Variants in DISC1 observed in about 807,000 individuals in gnomAD.
The protein encoded by DISC1 is disrupted in schizophrenia 1 protein.
In DISC1, 57 loss-of-function variants were observed where a neutral mutation model predicts 84.5. That is an observed-to-expected ratio of 0.67 (90% CI 0.55 to 0.84). The LOEUF is 0.84. DISC1 is among the 40% of genes least tolerant of loss of function. The pLI is 0.00. For synonymous variants in DISC1, 411 were observed against 415.2 expected, an observed-to-expected ratio of 0.99 and a Z score of 0.12; for missense variants, 1,000 against 1,057.8, an observed-to-expected ratio of 0.95 and a Z score of 0.76.
intron 9 of DISC1, among the ~76,000 whole-genome samples, chr1:231,920,713 A>T (rs2089943223): frequency 6.6e-6 from 1 of 152,174 alleles, no homozygotes; most frequent in South Asian, 2.1e-4. Flanking sequence ...ATTGTGAACG[A>T]TGCTGCTATG....
intron 11 of DISC1, among the ~76,000 whole-genome samples, chr1:232,013,980 C>T (rs529815429): frequency 8.2e-5 from 12 of 147,138 alleles, no homozygotes; most frequent in African/African-American, 2.8e-4. Context: ...CTTCTGAGGC[C>T]TTCCAATCTC....
intron 10 of DISC1, among the ~76,000 whole-genome samples, chr1:231,985,060 C>T (rs1664207908): frequency 6.6e-6 from 1 of 152,120 alleles, no homozygotes; most frequent in South Asian, 2.1e-4. Flanking sequence ...GTGGCTCACG[C>T]TTGTAATCCC....
At chr1:231,980,027 C>T (rs1485708687) in intron 10 of DISC1, among the ~76,000 whole-genome samples, 1 of 152,138 alleles carries the variant, frequency 6.6e-6, no homozygotes, top group Non-Finnish European at 1.5e-5. Flanking sequence ...GTAACACTAA[C>T]CTTATGGTTC....
At chr1:231,943,311 A>G (rs979676841) in intron 9 of DISC1, among the ~76,000 whole-genome samples, 1 of 152,282 alleles carries the variant, frequency 6.6e-6, no homozygotes, top group Admixed American at 6.5e-5. Context: ...ATGCACCAGC[A>G]TTGGTGAGGA....
At chr1:231,627,073 G>T (rs138310755) in intron 1 of DISC1, 139 bp downstream of exon 1, 11,068 of 577,962 alleles carry the variant, frequency 0.019, 134 homozygotes, top group Middle Eastern at 0.049. Context: ...AACTGAGGCA[G>T]GACGCGAGGC....
chr1:231,765,027 TA>T (rs1283070545), intron 4 of DISC1, among the ~76,000 whole-genome samples: 1 of 151,896 alleles, frequency 6.6e-6, no homozygotes, highest in Non-Finnish European at 1.5e-5. Context: ...CCGTCTCTAC[TA>T]AAAGTACAAA....
chr1:231,781,206 A>T (rs1345706879), intron 6 of DISC1, among the ~76,000 whole-genome samples: 1 of 132,868 alleles, frequency 7.5e-6, no homozygotes, highest in Non-Finnish European at 1.7e-5. Flanking sequence ...AAAAAAAAAG[A>T]CTTTATTTTG....
chr1:231,906,480 G>A (rs2088650950), intron 9 of DISC1, among the ~76,000 whole-genome samples: 1 of 152,176 alleles, frequency 6.6e-6, no homozygotes, highest in Admixed American at 6.5e-5. Flanking sequence ...CTTTATGCAC[G>A]AGGGATATGG....
At chr1:231,917,998 A>G (rs1443565428) in intron 9 of DISC1, among the ~76,000 whole-genome samples, 2 of 152,266 alleles carry the variant, frequency 1.3e-5, no homozygotes, top group Non-Finnish European at 2.9e-5. Context: ...TTACACTACA[A>G]ACACTAAAAC....
At chr1:232,015,973 G>A (rs1285930021) in intron 11 of DISC1, among the ~76,000 whole-genome samples, 1 of 152,170 alleles carries the variant, frequency 6.6e-6, no homozygotes, top group Non-Finnish European at 1.5e-5. Context: ...GAAAAGAAGA[G>A]TGGTCCTTTG....
At position 231,859,771 on chromosome 1, in the gene DISC1, C is replaced by T. The variant is rs146049449; in HGVS notation, c.1981+41254C>T. ...TTTCTTCTTAAGAAAACAAGAAGCA[C>T]GGGTAGATGATGGAGAGCATGAGTG... On this transcript the variant is annotated intron_variant, in intron 9 of 12. Coordinates refer to ENST00000439617, the MANE Select transcript of DISC1 (RefSeq NM_018662.3). Among the ~76,000 whole-genome samples the T allele has an allele frequency of 4.4e-3, 671 of 152,192 alleles. 6 individuals are homozygous for T. Among genetic ancestry groups the T allele is most frequent in the African/African-American group, 0.015 (609 of 41,512 alleles).
chr1:232,016,162 A>G (rs821647), intron 11 of DISC1, among the ~76,000 whole-genome samples: 41,300 of 152,026 alleles, frequency 0.27, 6,094 homozygotes, highest in Middle Eastern at 0.33. Flanking sequence ...AACAGTAACT[A>G]TGGTAGTCTT....
intron 9 of DISC1, among the ~76,000 whole-genome samples, chr1:231,838,817 C>A (rs541976619): frequency 6.6e-6 from 1 of 152,166 alleles, no homozygotes; most frequent in Non-Finnish European, 1.5e-5. Context: ...CCCTTGTCAC[C>A]GCCTGGCCTC....
intron 9 of DISC1, among the ~76,000 whole-genome samples, chr1:231,941,621 C>T (rs532707010): frequency 2.0e-5 from 3 of 151,902 alleles, no homozygotes; most frequent in South Asian, 2.1e-4. Flanking sequence ...TACAGGTGCA[C>T]GCCACCATGC....
intron 9 of DISC1, among the ~76,000 whole-genome samples, chr1:231,829,226 T>G (rs1288093450): frequency 6.6e-6 from 1 of 152,242 alleles, no homozygotes; most frequent in Non-Finnish European, 1.5e-5. Flanking sequence ...TATAGCAATT[T>G]AATTGATACT....
At chr1:231,956,544 T>G (rs1292384979) in intron 9 of DISC1, among the ~76,000 whole-genome samples, 1 of 152,174 alleles carries the variant, frequency 6.6e-6, no homozygotes, top group African/African-American at 2.4e-5. Context: ...TCAATCTCAT[T>G]TTTTTCTTCT....
At chr1:231,634,615 G>A (rs927092493) in intron 1 of DISC1, among the ~76,000 whole-genome samples, 2 of 152,118 alleles carry the variant, frequency 1.3e-5, no homozygotes, top group Admixed American at 6.5e-5. Flanking sequence ...TAATCATTTT[G>A]TGTTCCTTAG....
intron 9 of DISC1, among the ~76,000 whole-genome samples, chr1:231,841,314 G>C (rs986752647): frequency 6.6e-6 from 1 of 152,216 alleles, no homozygotes; most frequent in Non-Finnish European, 1.5e-5. Flanking sequence ...GGCTTTGTGA[G>C]GTTTGGCCCA....
chr1:231,713,025 A>G (rs1021757314), intron 3 of DISC1, among the ~76,000 whole-genome samples: 2 of 152,202 alleles, frequency 1.3e-5, no homozygotes, highest in African/African-American at 4.8e-5. Flanking sequence ...TTTCAGGCTG[A>G]TCCTTGAGTT....
Sources: gnomAD v4.1 joint callset for allele counts (sites outside exome capture counted in the v4.1 genomes callset) on GRCh38, gnomAD v4.1.1 for gene constraint, MANE v1.5 for transcripts, NCBI Gene and HGNC (gene_info 2026-07-23, HGNC 2026-07-21) for gene names.